Variants in PEX10 observed in about 807,000 individuals in gnomAD.
The protein encoded by PEX10 is peroxisomal biogenesis factor 10.
In PEX10, 32 loss-of-function variants were observed where a neutral mutation model predicts 38.0. That is an observed-to-expected ratio of 0.84 (90% confidence interval 0.63 to 1.13). PEX10 has a LOEUF of 1.13. PEX10 is among the 50% of genes most tolerant of loss of function. PEX10 has a pLI of 0.00. For missense variants in PEX10, 483 were observed against 457.7 expected (o/e 1.06, Z -0.51); for synonymous variants, 206 against 207.3 (o/e 0.99, Z 0.05).
At chr1:2,413,318 C>T (rs895821020), upstream of PEX10, among the ~76,000 whole-genome samples, 4 of 152,266 alleles carry the variant, frequency 2.6e-5, no homozygotes, top group African/African-American at 7.2e-5. Flanking sequence ...CCCTGCCTGG[C>T]CTGAGCCCCG....
upstream of PEX10, among the ~76,000 whole-genome samples, chr1:2,412,809 A>C (rs538221980): frequency 2.6e-3 from 394 of 152,174 alleles, 3 homozygotes; most frequent in African/African-American, 9.4e-3. Context: ...CTGGCGAGGC[A>C]GCGGGATGGG....
Position 2,408,535 on chromosome 1 carries a change from A to G in PEX10, c.517T>C (p.Cys173Arg). The G allele has an allele frequency of 1.2e-6, 2 of 1,612,794 alleles. No individual in the cohort carries two copies. The highest frequency in any genetic ancestry group is 1.7e-6 in the Non-Finnish European group (2 of 1,179,974). Residue 173 changes from cysteine (C) to arginine (R), a missense_variant, in exon 3 of 6, where the codon TGC (cysteine) becomes CGC (arginine). By Grantham distance (180) the Cys-to-Arg change is radical. Coordinates refer to ENST00000447513, the MANE Select transcript of PEX10 (RefSeq NM_002617.4). The part of the protein sequence containing the change: ...AVFVLRQGLA[C>R]LQRLHVAWFY... ...CAGGCAACATGTAGCCGCTGGAGGC[A>G]GGCGAGGCCCTGTCTGAGGACGAAG... is the stretch of plus-strand genomic sequence containing the variant.
At chr1:2,405,942 A>G in intron 5 of PEX10, 108 bp from the exon 6 acceptor site, 1 of 874,406 alleles carries the variant, frequency 1.1e-6, no homozygotes, top group Non-Finnish European at 1.8e-6. Context: ...CACACAACAT[A>G]AATGTTGTAT....
chr1:2,406,052 G>T (rs1015604402), intron 5 of PEX10, among the ~76,000 whole-genome samples: 5 of 152,062 alleles, frequency 3.3e-5, no homozygotes, highest in African/African-American at 7.2e-5. Context: ...AGGGTGTGGG[G>T]CTCGGCCGGG....
intron 2 of PEX10, 113 bp from the exon 3 acceptor site, chr1:2,408,971 C>T (rs771821210): frequency 1.4e-5 from 15 of 1,052,298 alleles, no homozygotes; most frequent in Admixed American, 7.9e-5. Context: ...CCCATCTTGT[C>T]GCCCTTGAGC....
In PEX10 at chr1:2,410,307, C is replaced by T. The variant is rs1643143756; in HGVS notation, c.193+64G>A. The T allele has an allele frequency of 1.4e-6, 2 of 1,427,740 alleles. No homozygotes were observed. The highest frequency in any genetic ancestry group is 2.0e-6 in the Non-Finnish European group (2 of 1,011,430). 88.4% of individuals were successfully genotyped at this position (1,427,740 alleles called of 1,614,324 possible). ...CTCACACTGCCTGGCAGCCCCCTGG[C>T]CACCGTCCCCAGACTTGGTGTGTGT... is the stretch of plus-strand genomic sequence containing the variant. On this transcript the variant is annotated intron_variant, in intron 2 of 5. Coordinates refer to ENST00000447513, the MANE Select transcript of PEX10 (RefSeq NM_002617.4). This position sits in a 1 kb window ranked among gnomAD's most constrained non-coding sequence, Gnocchi z 5.1.
chr1:2,412,760 C>T, upstream of PEX10, among the ~76,000 whole-genome samples: 1 of 151,790 alleles, frequency 6.6e-6, no homozygotes, highest in East Asian at 1.9e-4. Flanking sequence ...GGGGCGGGGC[C>T]CGCGAGCCGA....
At position 2,412,539 on chromosome 1, in the gene PEX10, G is replaced by GCCACGC. The variant is rs1643283981; in HGVS notation, c.-43_-38dup. On this transcript the variant is annotated 5_prime_UTR_variant, in exon 1 of 6. Coordinates refer to ENST00000447513, the MANE Select transcript of PEX10 (RefSeq NM_002617.4). ...CGGGTGGTCCCGAGCAGCCACGCCG[G>GCCACGC]CCACGCCCACGCCCAGACGGGCGAG... 6.9e-6 allele frequency: 9 copies of GCCACGC among 1,298,232 alleles called. No homozygotes were observed. The highest frequency in any genetic ancestry group is 4.2e-5 in the Admixed American group (1 of 24,042). 80.4% of individuals were successfully genotyped at this position (1,298,232 alleles called of 1,614,324 possible).
Position 2,410,152 on chromosome 1 carries a change from A to G in PEX10, c.193+219T>C, listed in dbSNP as rs1247194663. ...TGGCACCCGGGGTAAAGTCTTAAAC[A>G]AAGAACCCCAGGGACACACAAAGGC... On this transcript the variant is annotated intron_variant, in intron 2 of 5. Coordinates refer to ENST00000447513, the MANE Select transcript of PEX10 (RefSeq NM_002617.4). The surrounding 1 kb of genome is among the most constrained non-coding windows in gnomAD (Gnocchi z 5.1). The G allele has an allele frequency of 1.8e-6, 1 of 566,228 alleles. No homozygotes were observed. Among genetic ancestry groups the G allele is most frequent in the South Asian group, 1.9e-5 (1 of 51,514 alleles). 35.1% of individuals were successfully genotyped at this position (566,228 alleles called of 1,614,324 possible). A position where few individuals can be genotyped will look rare whatever the true frequency, so the allele number is the denominator to read the frequency against.
chr1:2,412,256 G>A, intron 1 of PEX10, 135 bp downstream of exon 1: 1 of 1,226,350 alleles, frequency 8.2e-7, no homozygotes, highest in Non-Finnish European at 1.0e-6. Context: ...CAGGGCAGGC[G>A]AAGGAGACTG....
intron 5 of PEX10, 106 bp downstream of exon 5, chr1:2,406,378 A>G: frequency 6.8e-7 from 1 of 1,474,810 alleles, no homozygotes; most frequent in Non-Finnish European, 9.4e-7. Flanking sequence ...GTACCCTCAA[A>G]ACTGGAGGGT....
rs1217354343 is a variant in PEX10 at position 2,412,538 on chromosome 1, G to A, written c.-36C>T. On this transcript the variant is annotated 5_prime_UTR_variant, in exon 1 of 6. Coordinates refer to ENST00000447513, the MANE Select transcript of PEX10 (RefSeq NM_002617.4). ...TCGGGTGGTCCCGAGCAGCCACGCC[G>A]GCCACGCCCACGCCCAGACGGGCGA... is the stretch of plus-strand genomic sequence containing the variant. 10 of 1,300,574 alleles carry A rather than the reference G, an allele frequency of 7.7e-6. No individual in the cohort carries two copies. Among genetic ancestry groups the A allele is most frequent in the Admixed American group, 4.1e-5 (1 of 24,098 alleles). 80.6% of individuals were successfully genotyped at this position (1,300,574 alleles called of 1,614,324 possible).
upstream of PEX10, among the ~76,000 whole-genome samples, chr1:2,412,966 G>C (rs572664807): frequency 6.6e-6 from 1 of 152,246 alleles, no homozygotes; most frequent in Admixed American, 6.5e-5. Flanking sequence ...CTGGGGAGAC[G>C]GAGGCTTTCG....
Position 2,406,910 on chromosome 1 carries a change from G to A in PEX10, c.601-15C>T. On this transcript the variant is annotated splice_polypyrimidine_tract_variant and intron_variant, in intron 3 of 5. Transcript: ENST00000447513. ...CGGACACGGAGCTGTAAGGCAGATG[G>A]CGCCACACTCATCAGGACCCTGAGG... 1 of 1,606,106 alleles carries A rather than the reference G, an allele frequency of 6.2e-7. No individual in the cohort carries two copies. The highest frequency in any genetic ancestry group is 8.5e-7 in the Non-Finnish European group (1 of 1,176,622).
Position 2,412,476 on chromosome 1 carries a change from C to T in PEX10, c.27G>A (p.Pro9=), listed in dbSNP as rs559431523. Residue 9 remains proline (P), a synonymous_variant, in exon 1 of 6, where the codon CCG becomes CCA. Coordinates refer to ENST00000447513, the MANE Select transcript of PEX10 (RefSeq NM_002617.4). MAPAAASP[P]EVIRAAQKDE... is the part of the protein sequence containing the mutation. ...CCTTCTGCGCCGCGCGGATCACCTC[C>T]GGGGGGCTGGCGGCGGCCGGGGCCA... 1.4e-4 allele frequency: 198 copies of T among 1,392,842 alleles called. No individual in the cohort carries two copies. The East Asian group carries it at 3.9e-3, about 27-fold the overall frequency. The allele number at this position is 1,392,842 out of a possible 1,614,324, so 86.3% of individuals were successfully genotyped here.
upstream of PEX10, among the ~76,000 whole-genome samples, chr1:2,413,397 G>T (rs1643354638): frequency 6.6e-6 from 1 of 152,242 alleles, no homozygotes; most frequent in Admixed American, 6.5e-5. Context: ...GCGGAGGGAG[G>T]CCTGAAGCAC....
In PEX10 at chr1:2,412,383, G is replaced by A; in HGVS notation, c.112+8C>T. ...TCGCGAGGACGTCCGGCCGCGCCCGGCCCTCACCCGCCAGGCTGTGCAGGG... is the reference window on the plus strand; with the variant it reads ...TCGCGAGGACGTCCGGCCGCGCCCGACCCTCACCCGCCAGGCTGTGCAGGG... On this transcript the variant is annotated splice_region_variant and intron_variant, in intron 1 of 5. Transcript: ENST00000447513. 2 of 1,376,530 alleles carry A rather than the reference G, an allele frequency of 1.5e-6. No individual in the cohort carries two copies. The highest frequency in any genetic ancestry group is 3.7e-5 in the Admixed American group (1 of 27,182). 85.3% of individuals were successfully genotyped at this position (1,376,530 alleles called of 1,614,324 possible). A position where few individuals can be genotyped will look rare whatever the true frequency, so the allele number is the denominator to read the frequency against.
In PEX10 at chr1:2,409,347, C is replaced by T. The variant is rs1643112398; in HGVS notation, c.194-489G>A. ...TGCTCAGATGAGCACCCCAATTCCA[C>T]CCCTGCCGAGACAGCTTTCAGCGCC... On this transcript the variant is annotated intron_variant, in intron 2 of 5. Coordinates refer to ENST00000447513, the MANE Select transcript of PEX10 (RefSeq NM_002617.4). The surrounding 1 kb of genome is among the most constrained non-coding windows in gnomAD (Gnocchi z 6.2). Among the ~76,000 whole-genome samples, 1 of 152,194 alleles carries T rather than the reference C, an allele frequency of 6.6e-6. No homozygotes were observed. The highest frequency in any genetic ancestry group is 2.4e-5 in the African/African-American group (1 of 41,446).
At chr1:2,411,966 AC>A (rs891186304) in intron 1 of PEX10, among the ~76,000 whole-genome samples, 3 of 152,238 alleles carry the variant, frequency 2.0e-5, no homozygotes, top group African/African-American at 7.2e-5. Context: ...TGTGAACCGG[AC>A]CGAGGTATGA....
Sources: allele counts gnomAD v4.1 joint callset (sites outside exome capture counted in the v4.1 genomes callset), GRCh38; gene constraint gnomAD v4.1.1; non-coding constraint Gnocchi (gnomAD v3.1); transcripts MANE v1.5; gene names NCBI Gene and HGNC (gene_info 2026-07-23, HGNC 2026-07-21).